SP4: variants seen among roughly 807,000 people sequenced by gnomAD.
The protein encoded by SP4 is transcription factor Sp4.
A neutral mutation model predicts 72.8 loss-of-function variants in SP4; 19 were observed. The ratio of observed to expected loss-of-function variants is 0.26; its 90% confidence interval spans 0.18 to 0.38. The LOEUF is 0.38. Ranked by LOEUF, SP4 falls within the 10% of genes least tolerant of loss-of-function variation. The probability of loss-of-function intolerance (pLI) is 1.00; values close to 1 mark genes in which losing one functional copy is unlikely to be tolerated. For synonymous variants in SP4, 395 were observed against 333.1 expected (o/e 1.19, Z -2.02); for missense variants, 1,008 against 926.3 (o/e 1.09, Z -1.14).
intron 4 of SP4, among the ~76,000 whole-genome samples, chr7:21,479,600 T>C (rs1784617944): frequency 6.6e-6 from 1 of 152,234 alleles, no homozygotes; most frequent in Non-Finnish European, 1.5e-5. Flanking sequence ...AAAATTGTAC[T>C]GACTCTTTCG....
intron 3 of SP4, among the ~76,000 whole-genome samples, chr7:21,464,644 G>A (rs565726780): frequency 7.7e-4 from 117 of 151,302 alleles, no homozygotes; most frequent in African/African-American, 2.7e-3. Flanking sequence ...CAAACTCCTG[G>A]GCTCAGGCAG....
chr7:21,467,951 C>A (rs981881657), intron 3 of SP4, among the ~76,000 whole-genome samples: 1 of 152,010 alleles, frequency 6.6e-6, no homozygotes, highest in East Asian at 1.9e-4. Context: ...TTAAATAGGT[C>A]AATTTCAGTT....
chr7:21,511,425 G>T lies in SP4; in HGVS notation c.*156G>T, dbSNP rs1440231122. On this transcript the variant is annotated 3_prime_UTR_variant, in exon 6 of 6. Transcript: ENST00000222584. The stretch of plus-strand genomic sequence containing the variant: ...AGGGTTTGGGGTCAACACGTGAAGT[G>T]TTGAATTTTAAAAAATACAAAAAGC... 1.4e-6 allele frequency: 1 copy of T among 697,284 alleles called. No homozygotes were observed. Among genetic ancestry groups the T allele is most frequent in the South Asian group, 2.1e-5 (1 of 47,478 alleles). 43.2% of individuals were successfully genotyped at this position (697,284 alleles called of 1,614,324 possible).
chr7:21,485,271 T>C (rs915775397), intron 5 of SP4, among the ~76,000 whole-genome samples: 4 of 152,126 alleles, frequency 2.6e-5, no homozygotes, highest in Middle Eastern at 3.4e-3. Flanking sequence ...ACTTATTGAC[T>C]TGGCTATGAA....
chr7:21,473,000 G>A (rs999702858), intron 3 of SP4, among the ~76,000 whole-genome samples: 2 of 152,168 alleles, frequency 1.3e-5, no homozygotes, highest in African/African-American at 4.8e-5. Flanking sequence ...AGTCCTTGTG[G>A]TAGAGTGCTT....
intron 5 of SP4, among the ~76,000 whole-genome samples, chr7:21,510,519 G>T (rs1229036677): frequency 6.6e-6 from 1 of 151,990 alleles, no homozygotes; most frequent in African/African-American, 2.4e-5. Flanking sequence ...TGTAGCATGT[G>T]CCTGCCTCCC....
chr7:21,500,572 C>T (rs1368137056), intron 5 of SP4, among the ~76,000 whole-genome samples: 1 of 152,162 alleles, frequency 6.6e-6, no homozygotes, highest in African/African-American at 2.4e-5. Flanking sequence ...CAGCTAAATT[C>T]AGTTCCTTTC....
intron 3 of SP4, among the ~76,000 whole-genome samples, chr7:21,467,198 T>C (rs1784193347): frequency 6.6e-6 from 1 of 152,084 alleles, no homozygotes; most frequent in Non-Finnish European, 1.5e-5. Flanking sequence ...TCTCACACTT[T>C]GTGACAACCA....
intron 3 of SP4, among the ~76,000 whole-genome samples, chr7:21,471,398 CA>C (rs1784338627): frequency 6.6e-6 from 1 of 152,160 alleles, no homozygotes; most frequent in Non-Finnish European, 1.5e-5. Context: ...GACTTATGAT[CA>C]ACATAGATAA....
chr7:21,454,657 C>A (rs1284453470), intron 3 of SP4, among the ~76,000 whole-genome samples: 1 of 152,120 alleles, frequency 6.6e-6, no homozygotes, highest in Non-Finnish European at 1.5e-5. Context: ...TAGAAGTTAT[C>A]CACCCTCAAA....
chr7:21,430,449 G>T lies in SP4; in HGVS notation c.1284G>T (p.Gln428His). The change falls in exon 3 of 6, where the codon CAG (glutamine) becomes CAT (histidine). Residue 428 changes from glutamine to histidine, a missense_variant. Transcript: ENST00000222584. Reference protein sequence around the residue: ...QAIPPQSFQLQSGQTIQTIQQ... With the variant: ...QAIPPQSFQLHSGQTIQTIQQ... ...TTCCACCACAGTCGTTTCAACTCCA[G>T]TCAGGGCAGACGATTCAGACCATCC... 6.2e-7 allele frequency: 1 copy of T among 1,614,108 alleles called. No homozygotes were observed. The highest frequency in any genetic ancestry group is 8.5e-7 in the Non-Finnish European group (1 of 1,180,006).
chr7:21,436,563 TAA>T (rs1783057048), intron 3 of SP4, among the ~76,000 whole-genome samples: 1 of 152,190 alleles, frequency 6.6e-6, no homozygotes, highest in South Asian at 2.1e-4. Flanking sequence ...ACTGCTACAT[TAA>T]GTCAATCCTT....
intron 3 of SP4, among the ~76,000 whole-genome samples, chr7:21,461,045 C>T (rs771220186): frequency 9.2e-5 from 14 of 152,188 alleles, no homozygotes; most frequent in Non-Finnish European, 1.9e-4. Context: ...GAGCTAGATA[C>T]AGAGTGCTGA....
intron 3 of SP4, among the ~76,000 whole-genome samples, chr7:21,469,543 T>C (rs1487021753): frequency 1.5e-5 from 2 of 137,662 alleles, no homozygotes; most frequent in African/African-American, 6.4e-5. Context: ...AGTTATAATT[T>C]TTTTTTTTTT....
chr7:21,456,896 G>T (rs957350277), intron 3 of SP4, among the ~76,000 whole-genome samples: 5 of 152,290 alleles, frequency 3.3e-5, no homozygotes, highest in South Asian at 4.1e-4. Flanking sequence ...AGGGTGAACT[G>T]AGAGATCAGC....
At chr7:21,448,603 A>G (rs1443576286) in intron 3 of SP4, among the ~76,000 whole-genome samples, 1 of 152,196 alleles carries the variant, frequency 6.6e-6, no homozygotes, top group Non-Finnish European at 1.5e-5. Flanking sequence ...AGTAATAAAC[A>G]CCTATAAAAT....
intron 5 of SP4, among the ~76,000 whole-genome samples, chr7:21,497,519 G>C (rs768332788): frequency 9.2e-5 from 14 of 152,074 alleles, no homozygotes; most frequent in Non-Finnish European, 1.5e-4. Flanking sequence ...GGTTTTTGTT[G>C]CTTTTATGGA....
At chr7:21,479,871 T>C (rs947325993) in intron 4 of SP4, among the ~76,000 whole-genome samples, 1 of 152,246 alleles carries the variant, frequency 6.6e-6, no homozygotes, top group Non-Finnish European at 1.5e-5. Flanking sequence ...TTTCTGATGC[T>C]ATTATAAGTT....
chr7:21,429,139 T>G, intron 2 of SP4, 150 bp from the exon 3 acceptor site: 1 of 596,750 alleles, frequency 1.7e-6, no homozygotes. Flanking sequence ...CTTATCTACT[T>G]TTGTTCGTAT....
Sources: gnomAD v4.1 joint callset for allele counts (sites outside exome capture counted in the v4.1 genomes callset) on GRCh38, gnomAD v4.1.1 for gene constraint, MANE v1.5 for transcripts, NCBI Gene and HGNC (gene_info 2026-07-23, HGNC 2026-07-21) for gene names.